Variants in FAAP20 observed in about 807,000 individuals in gnomAD.
The protein encoded by FAAP20 is FA core complex associated protein 20.
A neutral mutation model predicts 16.2 loss-of-function variants in FAAP20; 12 were observed. The observed-to-expected ratio is 0.74, with a 90% CI of 0.48 to 1.20. The LOEUF is 1.20. FAAP20 is among the 50% of genes most tolerant of loss of function. The pLI, the probability that FAAP20 is intolerant of heterozygous loss-of-function variation, is 0.00. For missense variants in FAAP20, 288 were observed against 245.8 expected, an observed-to-expected ratio of 1.17 and a Z score of -1.15; for synonymous variants, 141 against 110.7, an observed-to-expected ratio of 1.27 and a Z score of -1.72.
chr1:2,207,380 T>C (rs796201416), downstream of FAAP20, among the ~76,000 whole-genome samples: 3 of 152,282 alleles, frequency 2.0e-5, no homozygotes, highest in African/African-American at 7.2e-5. Flanking sequence ...CTCTCCTCTT[T>C]TCTAGGTGAG....
upstream of FAAP20, among the ~76,000 whole-genome samples, chr1:2,201,884 G>T (rs1478336183): frequency 1.3e-5 from 2 of 150,132 alleles, no homozygotes; most frequent in African/African-American, 4.9e-5. Context: ...GGGCGTGCTG[G>T]TGGGCACCTG....
chr1:2,186,059 C>T (rs963301457), downstream of FAAP20: 1 of 453,898 alleles, frequency 2.2e-6, no homozygotes, highest in African/African-American at 2.0e-5. Flanking sequence ...GCAGGGCTGC[C>T]AGCTGCCAGG....
chr1:2,198,045 C>A (rs768992707), upstream of FAAP20: 32 of 1,291,376 alleles, frequency 2.5e-5, no homozygotes, highest in Non-Finnish European at 3.0e-5. Context: ...CATGACACAG[C>A]GGTGCTGGTG....
chr1:2,196,904 C>T (rs748844897), upstream of FAAP20, among the ~76,000 whole-genome samples: 8 of 151,608 alleles, frequency 5.3e-5, no homozygotes, highest in East Asian at 5.8e-4. The surrounding 1 kb of genome is among the most constrained non-coding windows in gnomAD (Gnocchi z 4.5). Context: ...CTCTCTGTGC[C>T]GTGCTGGGGG....
chr1:2,184,565 T>C, downstream of FAAP20: 3 of 1,607,488 alleles, frequency 1.9e-6, no homozygotes, highest in Non-Finnish European at 2.6e-6. Context: ...CTGACCCTTC[T>C]CCTATTGTTT....
chr1:2,195,548 C>T (rs920868706), upstream of FAAP20, among the ~76,000 whole-genome samples: 1 of 152,262 alleles, frequency 6.6e-6, no homozygotes, highest in Non-Finnish European at 1.5e-5. Flanking sequence ...TCTGGGACTC[C>T]TTGGCAGTTT....
At chr1:2,205,759 G>T (rs921214585) in intron 3 of FAAP20, among the ~76,000 whole-genome samples, 1 of 152,238 alleles carries the variant, frequency 6.6e-6, no homozygotes, top group African/African-American at 2.4e-5. Context: ...GGGACTGGAA[G>T]GCTGAGCCGC....
rs1687930199 is a variant in FAAP20 at position 2,189,616 on chromosome 1, C to T, written c.*93G>A. 2.1e-6 allele frequency: 2 copies of T among 945,292 alleles called. No individual in the cohort carries two copies. Among genetic ancestry groups the T allele is most frequent in the South Asian group, 1.4e-5 (1 of 73,310 alleles). The allele number at this position is 945,292 out of a possible 1,614,324, so 58.6% of individuals were successfully genotyped here. A position where few individuals can be genotyped will look rare whatever the true frequency, so the allele number is the denominator to read the frequency against. On this transcript the variant is annotated 3_prime_UTR_variant, in exon 4 of 4. Transcript: ENST00000378546. ...ATGCGCATGCGGGGGAGCCGAGAGGCGGGGCTGCTGGCGGGGGAGCCGAGA... is the reference window on the plus strand; with the variant it reads ...ATGCGCATGCGGGGGAGCCGAGAGGTGGGGCTGCTGGCGGGGGAGCCGAGA...
At chr1:2,192,306 T>A (rs1688320704) in intron 3 of FAAP20, 1 of 986,620 alleles carries the variant, frequency 1.0e-6, no homozygotes, top group Non-Finnish European at 1.2e-6. Flanking sequence ...GGCTCTCCCT[T>A]ACGATCAAGT....
chr1:2,186,173 C>G (rs1226549226), downstream of FAAP20: 2 of 421,726 alleles, frequency 4.7e-6, no homozygotes, highest in Non-Finnish European at 9.7e-6. Flanking sequence ...AATTGCCACG[C>G]AGCCCTCTTG....
chr1:2,187,966 C>G (rs1292446216), downstream of FAAP20, among the ~76,000 whole-genome samples: 1 of 152,238 alleles, frequency 6.6e-6, no homozygotes, highest in Non-Finnish European at 1.5e-5. Flanking sequence ...CACGGTGTTG[C>G]CTTTTCCAGA....
At chr1:2,197,101 C>G (rs1242556209), upstream of FAAP20, among the ~76,000 whole-genome samples, 1 of 152,212 alleles carries the variant, frequency 6.6e-6, no homozygotes, top group South Asian at 2.1e-4. Flanking sequence ...GGACCCATCT[C>G]CTTCCCTGCC....
At chr1:2,203,355 C>T (rs1398070303), upstream of FAAP20, 1 of 934,490 alleles carries the variant, frequency 1.1e-6, no homozygotes, top group African/African-American at 1.8e-5. Context: ...TCTCTGGACA[C>T]CCCTCCGCAG....
At chr1:2,187,874 C>T (rs1687761027), downstream of FAAP20, among the ~76,000 whole-genome samples, 1 of 152,178 alleles carries the variant, frequency 6.6e-6, no homozygotes, top group African/African-American at 2.4e-5. Context: ...TGGGGCCATG[C>T]AGAGGAGCCC....
At chr1:2,195,195 C>T (rs1473344142), upstream of FAAP20, among the ~76,000 whole-genome samples, 1 of 152,246 alleles carries the variant, frequency 6.6e-6, no homozygotes, top group Non-Finnish European at 1.5e-5. Context: ...CGTTTCTTTA[C>T]AAAAGGCGGG....
upstream of FAAP20, chr1:2,203,700 CCT>C (rs1447357997): frequency 4.2e-6 from 4 of 962,470 alleles, no homozygotes; most frequent in Non-Finnish European, 4.9e-6. Flanking sequence ...CCTCAAATCC[CCT>C]GTTCCTTGAG....
chr1:2,187,498 T>G (rs1687733466), downstream of FAAP20, among the ~76,000 whole-genome samples: 1 of 151,700 alleles, frequency 6.6e-6, no homozygotes, highest in Non-Finnish European at 1.5e-5. Context: ...GAGACGGGGT[T>G]TCACCATGTT....
rs1490613888 is a variant in FAAP20, at chr1:2,189,626, G to A, written c.*83C>T. The A allele has an allele frequency of 3.8e-6, 4 of 1,055,294 alleles. No homozygotes were observed. The highest frequency in any genetic ancestry group is 2.9e-5 in the East Asian group (1 of 34,248). The allele number at this position is 1,055,294 out of a possible 1,614,324, so 65.4% of individuals were successfully genotyped here. ...GGGGGAGCCGAGAGGCGGGGCTGCT[G>A]GCGGGGGAGCCGAGAGGCGGGGCTG... On this transcript the variant is annotated 3_prime_UTR_variant, in exon 4 of 4. Coordinates refer to ENST00000378546, the MANE Select transcript of FAAP20 (RefSeq NM_182533.4).
chr1:2,200,703 A>G, upstream of FAAP20: 2 of 987,222 alleles, frequency 2.0e-6, no homozygotes, highest in South Asian at 4.6e-5. Flanking sequence ...CCACGCACCA[A>G]GTTCAGCTTG....
Sources: allele counts gnomAD v4.1 joint callset (sites outside exome capture counted in the v4.1 genomes callset), GRCh38; gene constraint gnomAD v4.1.1; non-coding constraint Gnocchi (gnomAD v3.1); transcripts MANE v1.5; gene names NCBI Gene and HGNC (gene_info 2026-07-23, HGNC 2026-07-21).